The following HCN1 variants were observed in gnomAD, a reference collection of about 807,000 sequenced individuals.
HCN1 encodes the protein potassium/sodium hyperpolarization-activated cyclic nucleotide-gated channel 1.
HCN1 carries 13 observed loss-of-function variants against 78.9 expected under a neutral mutation model. That is an observed-to-expected ratio of 0.16 (90% CI 0.11 to 0.26). The LOEUF (loss-of-function observed/expected upper bound fraction) is 0.26, where lower values mean the gene tolerates loss of function less well. Ranked by LOEUF, HCN1 falls within the 10% of genes least tolerant of loss-of-function variation. The pLI is 1.00. For missense variants in HCN1, 810 were observed against 1,154.3 expected, an observed-to-expected ratio of 0.70 and a Z score of 4.32; for synonymous variants, 552 against 455.5, an observed-to-expected ratio of 1.21 and a Z score of -2.70.
chr5:45,636,019 G>T (rs1365530914), intron 2 of HCN1, among the ~76,000 whole-genome samples: 1 of 152,110 alleles, frequency 6.6e-6, no homozygotes, highest in Admixed American at 6.6e-5. Flanking sequence ...AAAAAAGCAT[G>T]TATTTTCCCT....
intron 2 of HCN1, among the ~76,000 whole-genome samples, chr5:45,603,695 C>T (rs1342459389): frequency 1.3e-5 from 2 of 151,962 alleles, no homozygotes; most frequent in Non-Finnish European, 2.9e-5. Context: ...AAACAGTAAT[C>T]AATTGTGGAG....
At chr5:45,351,701 CA>C (rs1746906836) in intron 5 of HCN1, among the ~76,000 whole-genome samples, 1 of 146,956 alleles carries the variant, frequency 6.8e-6, no homozygotes, top group Non-Finnish European at 1.5e-5. Flanking sequence ...ACAACCCCAT[CA>C]AAAAGTGGGC....
Position 45,262,576 on chromosome 5 carries a change from A to C in HCN1, c.2018T>G (p.Leu673Arg), listed in dbSNP as rs750680736. Residue 673 changes from leucine to arginine, a missense_variant, in exon 8 of 8, where the codon CTG becomes CGG. By Grantham distance (102) the Leu-to-Arg change is moderately radical. Transcript: ENST00000303230. ...QSPPVYTATSLSHSNLHSPSP... is the reference protein window; with the variant it reads ...QSPPVYTATSRSHSNLHSPSP... ...GGGGGAGTGCAGGTTGCTGTGAGAC[A>C]GGCTGGTCGCTGTGTACACCGGTGG... The C allele has an allele frequency of 3.1e-6, 5 of 1,613,932 alleles. No individual in the cohort carries two copies. In the South Asian group the frequency reaches 4.4e-5, roughly 14 times the overall value.
intron 3 of HCN1, among the ~76,000 whole-genome samples, chr5:45,439,337 C>G (rs1056522536): frequency 2.0e-5 from 3 of 151,850 alleles, no homozygotes; most frequent in Non-Finnish European, 2.9e-5. Flanking sequence ...GGCTGTAGAG[C>G]ACATATGATG....
At chr5:45,572,919 G>A (rs922357055) in intron 2 of HCN1, among the ~76,000 whole-genome samples, 1 of 152,118 alleles carries the variant, frequency 6.6e-6, no homozygotes, top group Non-Finnish European at 1.5e-5. Context: ...ATGTAGAATA[G>A]GAAGTGTGTG....
At chr5:45,647,518 A>G (rs751044943) in intron 1 of HCN1, among the ~76,000 whole-genome samples, 2 of 152,014 alleles carry the variant, frequency 1.3e-5, no homozygotes, top group Non-Finnish European at 1.5e-5. Context: ...CTTCTATTCT[A>G]CGCATTGCCC....
At chr5:45,684,303 T>C (rs1374978554) in intron 1 of HCN1, among the ~76,000 whole-genome samples, 1 of 152,186 alleles carries the variant, frequency 6.6e-6, no homozygotes, top group Non-Finnish European at 1.5e-5. Context: ...AATAGAATTA[T>C]GGGATTATTT....
chr5:45,510,251 A>G (rs75430380), intron 2 of HCN1, among the ~76,000 whole-genome samples: 328 of 152,250 alleles, frequency 2.2e-3, no homozygotes, highest in African/African-American at 7.5e-3. Flanking sequence ...AAGTGTTCAG[A>G]TGAGTCTTCC....
rs754426439 is a variant in HCN1 at position 45,396,756 on chromosome 5, C to A, written c.1012-46G>T. The A allele has an allele frequency of 4.1e-6, 6 of 1,466,294 alleles. No individual in the cohort carries two copies. The Admixed American group carries it at 5.0e-5, about 12-fold the overall frequency. The allele number at this position is 1,466,294 out of a possible 1,614,324, so 90.8% of individuals were successfully genotyped here. A position where few individuals can be genotyped will look rare whatever the true frequency, so the allele number is the denominator to read the frequency against. ...AAAATTGACTGAGCCATTAGGATGG[C>A]AGAATGAAAAGTGAGTAGGACCTGT... On this transcript the variant is annotated intron_variant, in intron 3 of 7. Coordinates refer to ENST00000303230, the MANE Select transcript of HCN1 (RefSeq NM_021072.4).
intron 2 of HCN1, among the ~76,000 whole-genome samples, chr5:45,632,840 G>A (rs1016444642): frequency 3.9e-5 from 6 of 151,996 alleles, no homozygotes; most frequent in Non-Finnish European, 7.4e-5. Flanking sequence ...AAGCTGGGGG[G>A]TACAAGTAAA....
chr5:45,476,192 G>A (rs561725464), intron 2 of HCN1, among the ~76,000 whole-genome samples: 3 of 152,220 alleles, frequency 2.0e-5, no homozygotes, highest in Non-Finnish European at 4.4e-5. Context: ...TCTCTGTCGT[G>A]TGAGGATGCA....
At chr5:45,497,294 C>G (rs1455714082) in intron 2 of HCN1, among the ~76,000 whole-genome samples, 1 of 152,088 alleles carries the variant, frequency 6.6e-6, no homozygotes, top group African/African-American at 2.4e-5. Flanking sequence ...CTAATGTTGA[C>G]AGTGGGGTGT....
intron 2 of HCN1, among the ~76,000 whole-genome samples, chr5:45,491,718 T>G (rs1741889815): frequency 6.6e-6 from 1 of 152,132 alleles, no homozygotes; most frequent in Non-Finnish European, 1.5e-5. Flanking sequence ...TTATTTTAGC[T>G]GGAAAAATTA....
intron 6 of HCN1, among the ~76,000 whole-genome samples, chr5:45,277,081 T>A (rs1020390717): frequency 6.6e-6 from 1 of 152,078 alleles, no homozygotes; most frequent in Non-Finnish European, 1.5e-5. Flanking sequence ...TTAGGGCTCT[T>A]CAGGAAAAAC....
chr5:45,694,539 T>C (rs1739969380), intron 1 of HCN1, among the ~76,000 whole-genome samples: 1 of 152,226 alleles, frequency 6.6e-6, no homozygotes, highest in African/African-American at 2.4e-5. Flanking sequence ...TGCTTTACAT[T>C]GCTATATTTA....
chr5:45,288,567 C>T (rs910917401), intron 6 of HCN1, among the ~76,000 whole-genome samples: 3 of 152,100 alleles, frequency 2.0e-5, no homozygotes, highest in Admixed American at 2.0e-4. Context: ...AAACTAGAAC[C>T]TGGCTCTGTG....
intron 5 of HCN1, among the ~76,000 whole-genome samples, chr5:45,308,279 A>T (rs965340826): frequency 6.6e-6 from 1 of 152,122 alleles, no homozygotes; most frequent in Non-Finnish European, 1.5e-5. Context: ...GAATCGTGAG[A>T]CAAATAAATT....
chr5:45,593,340 T>A (rs2696016), intron 2 of HCN1, among the ~76,000 whole-genome samples: 61,146 of 125,066 alleles, frequency 0.49, 14,374 homozygotes, highest in Middle Eastern at 0.65. Flanking sequence ...TCTCTCTCTC[T>A]CACACACACA....
At chr5:45,497,727 T>C (rs917663656) in intron 2 of HCN1, among the ~76,000 whole-genome samples, 4 of 152,176 alleles carry the variant, frequency 2.6e-5, no homozygotes, top group Non-Finnish European at 4.4e-5. Context: ...CTGGTACTGG[T>C]TGTTCCTTTC....
Sources: gnomAD v4.1 joint callset for allele counts (sites outside exome capture counted in the v4.1 genomes callset) on GRCh38, gnomAD v4.1.1 for gene constraint, MANE v1.5 for transcripts, NCBI Gene and HGNC (gene_info 2026-07-23, HGNC 2026-07-21) for gene names.